INPP4A: variants seen among roughly 807,000 people sequenced by gnomAD.
INPP4A encodes the protein inositol polyphosphate-4-phosphatase, type I, 107kD.
A neutral mutation model predicts 119.8 loss-of-function variants in INPP4A; 33 were observed. The observed-to-expected ratio is 0.28, with a 90% CI of 0.21 to 0.37. INPP4A has a LOEUF of 0.37. INPP4A is among the 10% of genes least tolerant of loss of function. INPP4A has a pLI of 1.00. For missense variants in INPP4A, 956 were observed against 1,289.9 expected (o/e 0.74, Z 3.97); for synonymous variants, 496 against 500.7 (o/e 0.99, Z 0.12).
At position 98,593,342 on chromosome 2, in the gene INPP4A, ACC is replaced by A. The variant is rs1700482497; in HGVS notation, c.*5736_*5737del. On this transcript the variant is annotated 3_prime_UTR_variant, in exon 25 of 25. Coordinates refer to ENST00000409851, the MANE Select transcript of INPP4A (RefSeq NM_001134225.2). Reference sequence around the variant, plus strand: ...ACTTCACTGCTTCCTCCTCCTCGCCACCCAGCCCTCCCTCGGTGTCTGTGGCC... The same window carrying A: ...ACTTCACTGCTTCCTCCTCCTCGCCACAGCCCTCCCTCGGTGTCTGTGGCC... 1 of 152,616 alleles carries A rather than the reference ACC, an allele frequency of 6.6e-6. No homozygotes were observed. The highest frequency in any genetic ancestry group is 1.5e-5 in the Non-Finnish European group (1 of 68,232). The allele number at this position is 152,616 out of a possible 1,614,324, so 9.5% of individuals were successfully genotyped here.
chr2:98,516,050 C>G (rs768428244), intron 1 of INPP4A, among the ~76,000 whole-genome samples: 15 of 152,144 alleles, frequency 9.9e-5, no homozygotes, highest in Non-Finnish European at 1.5e-4. Flanking sequence ...TAGACAGCTC[C>G]CACACATTCT....
At chr2:98,499,813 T>C (rs1423772959) in intron 1 of INPP4A, among the ~76,000 whole-genome samples, 2 of 152,234 alleles carry the variant, frequency 1.3e-5, no homozygotes, top group African/African-American at 4.8e-5. Flanking sequence ...AAGGACAGTA[T>C]TCTCCTTTAT....
At chr2:98,446,565 G>GT (rs1021703073) in intron 1 of INPP4A, among the ~76,000 whole-genome samples, 9 of 152,154 alleles carry the variant, frequency 5.9e-5, no homozygotes, top group Non-Finnish European at 8.8e-5. Context: ...GCTTGGTAGA[G>GT]TTTGGCTTGA....
intron 1 of INPP4A, among the ~76,000 whole-genome samples, chr2:98,486,083 G>C (rs1679479342): frequency 6.6e-6 from 1 of 152,194 alleles, no homozygotes. Context: ...CTGCTTCCTT[G>C]GGTCTCTGGG....
chr2:98,455,640 A>T (rs2104532780), intron 1 of INPP4A, among the ~76,000 whole-genome samples: 1 of 152,280 alleles, frequency 6.6e-6, no homozygotes, highest in Admixed American at 6.5e-5. Context: ...GAGTGGTGAT[A>T]GTGCCCAGGG....
intron 1 of INPP4A, among the ~76,000 whole-genome samples, chr2:98,471,599 C>T (rs2104844008): frequency 6.6e-6 from 1 of 152,324 alleles, no homozygotes; most frequent in African/African-American, 2.4e-5. Flanking sequence ...CGCTCAGGAA[C>T]CAAGGTCAAC....
At chr2:98,568,115 A>T (rs1351981090) in intron 21 of INPP4A, among the ~76,000 whole-genome samples, 1 of 152,212 alleles carries the variant, frequency 6.6e-6, no homozygotes, top group Admixed American at 6.5e-5. Flanking sequence ...CAAGGGCTTC[A>T]TGTCAGTCCC....
chr2:98,552,517 A>T, intron 13 of INPP4A: 1 of 571,742 alleles, frequency 1.7e-6, no homozygotes, highest in Non-Finnish European at 3.3e-6. Flanking sequence ...ATACCTGTTC[A>T]TACATTTACA....
At chr2:98,545,719 G>A (rs1490958850) in intron 11 of INPP4A, among the ~76,000 whole-genome samples, 3 of 152,100 alleles carry the variant, frequency 2.0e-5, no homozygotes, top group Non-Finnish European at 4.4e-5. Context: ...TTTTGAAGCC[G>A]GTTCTCCCTG....
intron 1 of INPP4A, among the ~76,000 whole-genome samples, chr2:98,489,293 TGGA>T (rs2105197732): frequency 6.6e-6 from 1 of 151,872 alleles, no homozygotes; most frequent in South Asian, 2.1e-4. Flanking sequence ...CTGGGTAACT[TGGA>T]AATACAGGAC....
Position 98,546,117 on chromosome 2 carries a change from C to G in INPP4A, c.1054+44C>G. On this transcript the variant is annotated intron_variant, in intron 12 of 24. Transcript: ENST00000409851. This position sits in a 1 kb window ranked among gnomAD's most constrained non-coding sequence, Gnocchi z 4.2. Reference sequence around the variant, plus strand: ...CCTCTTGTTGAATCACATTTCGCTGCTTTTCTCTGTGGGTACTTGGTCCCT... The same window carrying G: ...CCTCTTGTTGAATCACATTTCGCTGGTTTTCTCTGTGGGTACTTGGTCCCT... The G allele has an allele frequency of 7.3e-7, 1 of 1,368,048 alleles. No individual in the cohort carries two copies. Among genetic ancestry groups the G allele is most frequent in the Non-Finnish European group, 1.0e-6 (1 of 980,534 alleles). The allele number at this position is 1,368,048 out of a possible 1,614,324, so 84.7% of individuals were successfully genotyped here.
intron 4 of INPP4A, among the ~76,000 whole-genome samples, chr2:98,529,523 C>T (rs1688804809): frequency 6.6e-6 from 1 of 152,086 alleles, no homozygotes. Context: ...ATCACGAGGT[C>T]AGGAGATCCA....
intron 1 of INPP4A, among the ~76,000 whole-genome samples, chr2:98,455,837 A>G (rs1696046173): frequency 6.6e-6 from 1 of 152,232 alleles, no homozygotes; most frequent in African/African-American, 2.4e-5. Context: ...AGAAGAAGAA[A>G]CATAGTGTCA....
chr2:98,455,446 G>T (rs539594779), intron 1 of INPP4A, among the ~76,000 whole-genome samples: 6 of 152,168 alleles, frequency 3.9e-5, no homozygotes, highest in Non-Finnish European at 8.8e-5. Context: ...ACGACACCTT[G>T]CTGGTAGACT....
At chr2:98,471,396 G>A (rs548854253) in intron 1 of INPP4A, among the ~76,000 whole-genome samples, 1 of 152,194 alleles carries the variant, frequency 6.6e-6, no homozygotes, top group Non-Finnish European at 1.5e-5. Context: ...AGAGAATGTG[G>A]AATTAAAATA....
chr2:98,454,807 A>G lies in INPP4A; in HGVS notation c.-166+9722A>G, dbSNP rs1695831827. ...GAGGGCTTGCACTCTGTAAACTCTT[A>G]GTCAGCTGGTCACTGACCCAACTGA... On this transcript the variant is annotated intron_variant, in intron 1 of 24. Coordinates refer to ENST00000409851, the MANE Select transcript of INPP4A (RefSeq NM_001134225.2). 2.0e-5 allele frequency among the ~76,000 whole-genome samples: 3 copies of G among 151,932 alleles called. No homozygotes were observed. In the South Asian group the frequency reaches 6.2e-4, roughly 32 times the overall value.
At chr2:98,523,579 A>G (rs1322325800) in intron 4 of INPP4A, among the ~76,000 whole-genome samples, 1 of 151,998 alleles carries the variant, frequency 6.6e-6, no homozygotes, top group Non-Finnish European at 1.5e-5. Context: ...TATTTTTAGT[A>G]GAGACGGGGT....
rs9662 is a variant in INPP4A, at chr2:98,589,964, G to A, written c.*2356G>A. 1 of 193,680 alleles carries A rather than the reference G, an allele frequency of 5.2e-6. No homozygotes were observed. The highest frequency in any genetic ancestry group is 2.3e-5 in the African/African-American group (1 of 43,076). 12.0% of individuals were successfully genotyped at this position (193,680 alleles called of 1,614,324 possible). ...TAAAAATATTGTATAATACAGTTTT[G>A]TCCCTACACAATTGTATTTGCCAAG... On this transcript the variant is annotated 3_prime_UTR_variant, in exon 25 of 25. Transcript: ENST00000409851.
chr2:98,548,850 T>TA, intron 13 of INPP4A: 2 of 1,056,106 alleles, frequency 1.9e-6, no homozygotes, highest in South Asian at 2.8e-5. Context: ...CAAATAATTT[T>TA]AAGTATTTTG....
Sources: allele counts gnomAD v4.1 joint callset (sites outside exome capture counted in the v4.1 genomes callset), GRCh38; gene constraint gnomAD v4.1.1; non-coding constraint Gnocchi (gnomAD v3.1); transcripts MANE v1.5; gene names NCBI Gene and HGNC (gene_info 2026-07-23, HGNC 2026-07-21).